EPHA6: variants seen among roughly 807,000 people sequenced by gnomAD.
The protein encoded by EPHA6 is ephrin type-A receptor 6.
A neutral mutation model predicts 112.0 loss-of-function variants in EPHA6; 50 were observed. That is an observed-to-expected ratio of 0.45 (90% CI 0.36 to 0.56). The LOEUF (loss-of-function observed/expected upper bound fraction) is 0.56, where lower values mean the gene tolerates loss of function less well. Ranked by LOEUF, EPHA6 falls within the 20% of genes least tolerant of loss-of-function variation. The probability of loss-of-function intolerance (pLI) is 0.00; values close to 1 mark genes in which losing one functional copy is unlikely to be tolerated. For synonymous variants in EPHA6, 529 were observed against 490.7 expected, an observed-to-expected ratio of 1.08 and a Z score of -1.03; for missense variants, 1,280 against 1,417.4, an observed-to-expected ratio of 0.90 and a Z score of 1.56.
At chr3:97,049,996 CAAAGA>C (rs2045632972) in intron 3 of EPHA6, among the ~76,000 whole-genome samples, 1 of 152,134 alleles carries the variant, frequency 6.6e-6, no homozygotes, top group Admixed American at 6.5e-5. Context: ...GTTGAAACTT[CAAAGA>C]AAAGAGTGTT....
intron 2 of EPHA6, among the ~76,000 whole-genome samples, chr3:96,940,686 C>T (rs906912932): frequency 2.0e-5 from 3 of 152,180 alleles, no homozygotes; most frequent in Non-Finnish European, 1.5e-5. Flanking sequence ...GCAGTTTCTT[C>T]CTAGCCTTGA....
At chr3:97,258,762 A>G (rs1480173044) in intron 5 of EPHA6, among the ~76,000 whole-genome samples, 4 of 152,146 alleles carry the variant, frequency 2.6e-5, no homozygotes, top group African/African-American at 9.7e-5. Context: ...TAAGTTATTT[A>G]ATCTCTCCAG....
intron 5 of EPHA6, among the ~76,000 whole-genome samples, chr3:97,394,500 A>C (rs1435241618): frequency 1.3e-5 from 2 of 152,006 alleles, no homozygotes; most frequent in South Asian, 2.1e-4. Flanking sequence ...AGTAAGGGAG[A>C]AAATGTTTGT....
chr3:97,443,734 T>C (rs964516923), intron 6 of EPHA6, among the ~76,000 whole-genome samples: 3 of 152,176 alleles, frequency 2.0e-5, no homozygotes, highest in African/African-American at 7.2e-5. Flanking sequence ...TGTTGAGAAT[T>C]TTTTCTTCCA....
intron 3 of EPHA6, among the ~76,000 whole-genome samples, chr3:97,153,952 T>C (rs558591145): frequency 1.2e-3 from 190 of 152,064 alleles, no homozygotes; most frequent in African/African-American, 4.4e-3. Flanking sequence ...GATCACCTGA[T>C]GTCAGGAGTT....
At chr3:97,027,154 T>C (rs1454977288) in intron 3 of EPHA6, among the ~76,000 whole-genome samples, 2 of 152,310 alleles carry the variant, frequency 1.3e-5, no homozygotes, top group South Asian at 2.1e-4. Context: ...TGGATGGAGC[T>C]GGAGGCCATT....
At chr3:97,006,318 A>T (rs2043877024) in intron 3 of EPHA6, among the ~76,000 whole-genome samples, 1 of 151,982 alleles carries the variant, frequency 6.6e-6, no homozygotes, top group African/African-American at 2.4e-5. Context: ...CTATTCAGGG[A>T]TTCAACTTCT....
At chr3:97,230,023 A>C (rs2078478554) in intron 4 of EPHA6, among the ~76,000 whole-genome samples, 1 of 152,124 alleles carries the variant, frequency 6.6e-6, no homozygotes, top group South Asian at 2.1e-4. Flanking sequence ...ATGGTTACTG[A>C]ATAGTATTAT....
intron 14 of EPHA6, among the ~76,000 whole-genome samples, chr3:97,678,699 G>C (rs1475754759): frequency 6.6e-6 from 1 of 152,060 alleles, no homozygotes; most frequent in African/African-American, 2.4e-5. Context: ...ATTTCTGTCA[G>C]AACTCTAATA....
At chr3:97,571,500 C>A (rs2093332724) in intron 11 of EPHA6, among the ~76,000 whole-genome samples, 1 of 152,136 alleles carries the variant, frequency 6.6e-6, no homozygotes, top group South Asian at 2.1e-4. Context: ...AGTTCTTGTA[C>A]CCTTAGAAAA....
chr3:96,899,650 A>G (rs79784719), intron 2 of EPHA6, among the ~76,000 whole-genome samples: 3,513 of 152,274 alleles, frequency 0.023, 140 homozygotes, highest in African/African-American at 0.08. Flanking sequence ...ATTTAAATAC[A>G]TAGCACTAGT....
At position 97,642,885 on chromosome 3, in the gene EPHA6, A is replaced by G. The variant is rs998235152; in HGVS notation, c.2784+4803A>G. Reference sequence around the variant, plus strand: ...CACTCTGCAGGATATTATCCAGGAGAACTCTCCCCAATCTAGCAAGGCAGG... The same window carrying G: ...CACTCTGCAGGATATTATCCAGGAGGACTCTCCCCAATCTAGCAAGGCAGG... On this transcript the variant is annotated intron_variant, in intron 14 of 17. Coordinates refer to ENST00000389672, the MANE Select transcript of EPHA6 (RefSeq NM_001080448.3). 8.3e-3 allele frequency among the ~76,000 whole-genome samples: 20 copies of G among 2,422 alleles called. 1 individual carries two copies. Among genetic ancestry groups the G allele is most frequent in the African/African-American group, 8.1e-3 (19 of 2,334 alleles). 1.6% of individuals were successfully genotyped at this position (2,422 alleles called of 152,430 possible). A position where few individuals can be genotyped will look rare whatever the true frequency, so the allele number is the denominator to read the frequency against.
At chr3:96,832,875 T>C (rs985443944) in intron 1 of EPHA6, among the ~76,000 whole-genome samples, 5 of 151,956 alleles carry the variant, frequency 3.3e-5, no homozygotes, top group African/African-American at 1.2e-4. Flanking sequence ...CTATGAGTTT[T>C]TGAGTGCTTA....
At chr3:97,331,665 G>A (rs2082804535) in intron 5 of EPHA6, among the ~76,000 whole-genome samples, 1 of 151,988 alleles carries the variant, frequency 6.6e-6, no homozygotes, top group African/African-American at 2.4e-5. Context: ...TAAATTCCTC[G>A]ACACATACCC....
chr3:97,252,212 C>T (rs1224719263), intron 5 of EPHA6, among the ~76,000 whole-genome samples: 2 of 151,968 alleles, frequency 1.3e-5, no homozygotes, highest in African/African-American at 4.8e-5. Context: ...GAGAGCACTC[C>T]CTCTGTACCA....
chr3:96,866,001 A>G (rs926079447), intron 1 of EPHA6, among the ~76,000 whole-genome samples: 2 of 152,048 alleles, frequency 1.3e-5, no homozygotes, highest in Non-Finnish European at 2.9e-5. Flanking sequence ...TGATTTAGTC[A>G]TATTTCAGTT....
chr3:97,130,776 A>G (rs2048316091), intron 3 of EPHA6, among the ~76,000 whole-genome samples: 1 of 152,184 alleles, frequency 6.6e-6, no homozygotes, highest in Non-Finnish European at 1.5e-5. Context: ...GACTATGCCT[A>G]TTCTAGGCTA....
intron 3 of EPHA6, among the ~76,000 whole-genome samples, chr3:97,065,481 T>C (rs996098591): frequency 2.6e-5 from 4 of 152,132 alleles, no homozygotes; most frequent in Non-Finnish European, 5.9e-5. Flanking sequence ...AAAGAAAACC[T>C]GTGTGTAGAA....
In EPHA6 at chr3:97,757,625, AG is replaced by A. The variant is rs1251411588; in HGVS notation, c.*8926del. Among the ~76,000 whole-genome samples, 1 of 151,776 alleles carries A rather than the reference AG, an allele frequency of 6.6e-6. No homozygotes were observed. The highest frequency in any genetic ancestry group is 1.5e-5 in the Non-Finnish European group (1 of 67,736). On this transcript the variant is annotated 3_prime_UTR_variant, in exon 18 of 18. Transcript: ENST00000389672. ...TAGTATATATAAAGATGCATAAAAAAGGAACTTACTTGATACCGTCTTTTAG... is the reference window on the plus strand; with the variant it reads ...TAGTATATATAAAGATGCATAAAAAAGAACTTACTTGATACCGTCTTTTAG...
Sources: gnomAD v4.1 joint callset for allele counts (sites outside exome capture counted in the v4.1 genomes callset) on GRCh38, gnomAD v4.1.1 for gene constraint, MANE v1.5 for transcripts, NCBI Gene and HGNC (gene_info 2026-07-23, HGNC 2026-07-21) for gene names.